MAP3K8: variants seen among roughly 807,000 people sequenced by gnomAD.
The protein encoded by MAP3K8 is mitogen-activated protein kinase kinase kinase 8.
MAP3K8 carries 22 observed loss-of-function variants against 45.8 expected under a neutral mutation model. That is an observed-to-expected ratio of 0.48 (90% CI 0.34 to 0.69). The LOEUF (loss-of-function observed/expected upper bound fraction) is 0.69, where lower values mean the gene tolerates loss of function less well. MAP3K8 is among the 30% of genes least tolerant of loss of function. The pLI, the probability that MAP3K8 is intolerant of heterozygous loss-of-function variation, is 0.01. For synonymous variants in MAP3K8, 223 were observed against 214.3 expected (o/e 1.04, Z -0.36); for missense variants, 419 against 585.0 (o/e 0.72, Z 2.93).
chr10:30,450,667 T>C (rs1836506145), intron 5 of MAP3K8, 148 bp downstream of exon 5: 2 of 662,726 alleles, frequency 3.0e-6, no homozygotes, highest in Non-Finnish European at 2.6e-6. Flanking sequence ...CAGAGACATA[T>C]CTTAGAATCA....
chr10:30,440,921 C>T (rs891498618), intron 3 of MAP3K8, among the ~76,000 whole-genome samples: 2 of 152,070 alleles, frequency 1.3e-5, no homozygotes, highest in Non-Finnish European at 2.9e-5. Flanking sequence ...TTTGCTTATT[C>T]CGTGGCCTAT....
intron 7 of MAP3K8, 29 bp downstream of exon 7, chr10:30,458,265 C>CGCCGGGGGGGGGGGGGG: frequency 2.5e-6 from 1 of 405,656 alleles, no homozygotes; most frequent in Non-Finnish European, 3.7e-6. Context: ...GGGCTGGGGG[C>CGCCGGGGGGGGGGGGGG]GGCGGGGGGG....
chr10:30,444,918 T>C (rs139173824), intron 3 of MAP3K8, among the ~76,000 whole-genome samples: 4 of 152,340 alleles, frequency 2.6e-5, no homozygotes, highest in African/African-American at 4.8e-5. Flanking sequence ...GCATGTTCCT[T>C]AACCTCTTGA....
At chr10:30,441,034 G>A (rs1836086702) in intron 3 of MAP3K8, among the ~76,000 whole-genome samples, 1 of 152,190 alleles carries the variant, frequency 6.6e-6, no homozygotes, top group African/African-American at 2.4e-5. Context: ...ATCCTAAAAA[G>A]AAGAGAGACT....
chr10:30,461,145 A>G lies in MAP3K8; in HGVS notation c.*309A>G. On this transcript the variant is annotated 3_prime_UTR_variant, in exon 9 of 9. Coordinates refer to ENST00000263056, the MANE Select transcript of MAP3K8 (RefSeq NM_005204.4). ...GTGCACTTTGCTCAAAATTTTAAAA[A>G]TACCAATCACAAGGATAATAGAGTA... The G allele has an allele frequency of 3.4e-6, 1 of 293,974 alleles. No homozygotes were observed. Among genetic ancestry groups the G allele is most frequent in the East Asian group, 5.3e-5 (1 of 18,910 alleles). 18.2% of individuals were successfully genotyped at this position (293,974 alleles called of 1,614,324 possible). A position where few individuals can be genotyped will look rare whatever the true frequency, so the allele number is the denominator to read the frequency against.
At chr10:30,459,213 A>G (rs748634759) in intron 7 of MAP3K8, 42 bp from the exon 8 acceptor site, 8 of 1,612,364 alleles carry the variant, frequency 5.0e-6, no homozygotes, top group Admixed American at 3.3e-5. Context: ...TTGAGGGTGT[A>G]TCACCATACC....
chr10:30,459,336 G>T lies in MAP3K8; in HGVS notation c.1108G>T (p.Glu370Ter). 1.2e-6 allele frequency: 2 copies of T among 1,614,140 alleles called. No individual in the cohort carries two copies. Among genetic ancestry groups the T allele is most frequent in the Non-Finnish European group, 1.7e-6 (2 of 1,180,032 alleles). ...GAGAGAGCTGATAGAAGCTTCCCTGGAGAGAAACCCCAATCACCGCCCAAG... is the reference window on the plus strand; with the variant it reads ...GAGAGAGCTGATAGAAGCTTCCCTGTAGAGAAACCCCAATCACCGCCCAAG... ...GMRELIEASLERNPNHRPRAA... is the reference protein window; with the variant it reads ...GMRELIEASL The change falls in exon 8 of 9, where the codon GAG becomes TAG. Residue 370 changes from glutamate to a stop codon, truncating the protein, a stop_gained. Coordinates refer to ENST00000263056, the MANE Select transcript of MAP3K8 (RefSeq NM_005204.4). LOFTEE classifies it high-confidence loss of function.
intron 1 of MAP3K8, 133 bp downstream of exon 1, chr10:30,434,511 G>T: frequency 4.1e-6 from 4 of 985,766 alleles, no homozygotes; most frequent in Non-Finnish European, 4.8e-6. Context: ...AGGTGGGGGC[G>T]TGCCCACAGC....
intron 3 of MAP3K8, among the ~76,000 whole-genome samples, chr10:30,443,245 TCA>T (rs1805795816): frequency 6.6e-6 from 1 of 152,186 alleles, no homozygotes; most frequent in African/African-American, 2.4e-5. Flanking sequence ...GTTTACTCAT[TCA>T]TAAAATGGAT....
intron 3 of MAP3K8, among the ~76,000 whole-genome samples, chr10:30,446,351 A>G (rs554932356): frequency 1.3e-5 from 2 of 152,280 alleles, no homozygotes; most frequent in African/African-American, 4.8e-5. Flanking sequence ...CCTGGCCAAC[A>G]TGGTAAAACC....
chr10:30,443,973 T>C lies in MAP3K8; in HGVS notation c.337-3809T>C, dbSNP rs528691033. On this transcript the variant is annotated intron_variant, in intron 3 of 8. Transcript: ENST00000263056. ...GGGAGGCTGAGGCCAGAGGATCACT[T>C]GAGCCCGAGTTTGGGACCAGCCTGG... Among the ~76,000 whole-genome samples the C allele has an allele frequency of 7.2e-5, 11 of 151,958 alleles. No individual in the cohort carries two copies. In the South Asian group the frequency reaches 2.1e-3, roughly 29 times the overall value.
intron 4 of MAP3K8, 25 bp downstream of exon 4, chr10:30,447,974 C>A (rs747634604): frequency 5.7e-6 from 9 of 1,570,626 alleles, no homozygotes; most frequent in South Asian, 1.2e-5. Context: ...CCTAGATAAC[C>A]CACACTGTGT....
At chr10:30,460,616 C>A (rs1334299602) in intron 8 of MAP3K8, 90 bp from the exon 9 acceptor site, 10 of 1,038,190 alleles carry the variant, frequency 9.6e-6, no homozygotes, top group African/African-American at 1.6e-5. Context: ...TTTTATTAGG[C>A]CCCAAAGATT....
chr10:30,437,003 T>C (rs531632390), intron 1 of MAP3K8, among the ~76,000 whole-genome samples, 173 bp from the exon 2 acceptor site: 1 of 151,748 alleles, frequency 6.6e-6, no homozygotes, highest in Non-Finnish European at 1.5e-5. Context: ...AAGAAGTTGC[T>C]CTCCTAACTC....
chr10:30,459,851 CT>C (rs984857853), intron 8 of MAP3K8, among the ~76,000 whole-genome samples: 3 of 149,502 alleles, frequency 2.0e-5, no homozygotes, highest in African/African-American at 4.9e-5. Context: ...CTTTTTTTTT[CT>C]TTTTTTTTGA....
Position 30,460,654 on chromosome 10 carries a change from T to C in MAP3K8, c.1274-52T>C, listed in dbSNP as rs950096863. 43 of 1,478,246 alleles carry C rather than the reference T, an allele frequency of 2.9e-5. No homozygotes were observed. The African/African-American group carries it at 5.6e-4, about 19-fold the overall frequency. 91.6% of individuals were successfully genotyped at this position (1,478,246 alleles called of 1,614,324 possible). A position where few individuals can be genotyped will look rare whatever the true frequency, so the allele number is the denominator to read the frequency against. On this transcript the variant is annotated intron_variant, in intron 8 of 8. Transcript: ENST00000263056. ...TTTCACTGCAGAAGGAACAGGTATTTATCATTTGACACGTTTTCTTGTTAC... is the reference window on the plus strand; with the variant it reads ...TTTCACTGCAGAAGGAACAGGTATTCATCATTTGACACGTTTTCTTGTTAC...
At position 30,458,156 on chromosome 10, in the gene MAP3K8, A is replaced by G. The variant is rs919957360; in HGVS notation, c.946A>G (p.Thr316Ala). The G allele has an allele frequency of 6.3e-7, 1 of 1,594,832 alleles. No homozygotes were observed. ...TKADIYSLGA[T>A]LIHMQTGTPP... is the part of the protein sequence containing the mutation. Reference sequence around the variant, plus strand: ...AGCAGACATCTACAGCCTGGGGGCCACGCTCATCCACATGCAGACGGGCAC... The same window carrying G: ...AGCAGACATCTACAGCCTGGGGGCCGCGCTCATCCACATGCAGACGGGCAC... Residue 316 changes from threonine (T) to alanine (A), a missense_variant, in exon 7 of 9, where the codon ACG becomes GCG. Thr to Ala is a moderately conservative substitution (Grantham distance 58). This residue lies in a region of MAP3K8 where 209 missense variants were observed against 367.3 expected (regional missense o/e 0.57). Coordinates refer to ENST00000263056, the MANE Select transcript of MAP3K8 (RefSeq NM_005204.4).
chr10:30,439,818 AAAG>A (rs1410958018), intron 3 of MAP3K8, among the ~76,000 whole-genome samples: 1 of 152,250 alleles, frequency 6.6e-6, no homozygotes, highest in Non-Finnish European at 1.5e-5. Flanking sequence ...CAACAACAAC[AAAG>A]AAGAATGTAT....
At chr10:30,437,675 T>A (rs1010575505) in intron 2 of MAP3K8, among the ~76,000 whole-genome samples, 3 of 152,218 alleles carry the variant, frequency 2.0e-5, no homozygotes, top group African/African-American at 7.2e-5. Flanking sequence ...TGAAATTCAC[T>A]GAGAGGCAGA....
Sources: gnomAD v4.1 joint callset for allele counts (sites outside exome capture counted in the v4.1 genomes callset) on GRCh38, gnomAD v4.1.1 for gene constraint, gnomAD v4.1.1 regional missense constraint, MANE v1.5 for transcripts, NCBI Gene and HGNC (gene_info 2026-07-23, HGNC 2026-07-21) for gene names.